Variants in GPM6A observed in about 807,000 individuals in gnomAD.
GPM6A encodes glycoprotein M6A, also known as neuronal membrane glycoprotein M6-a.
In GPM6A, 7 loss-of-function variants were observed where a neutral mutation model predicts 32.1. The observed-to-expected ratio is 0.22, with a 90% confidence interval of 0.12 to 0.41. The LOEUF (loss-of-function observed/expected upper bound fraction) is 0.41. Ranked by LOEUF, GPM6A falls within the 10% of genes least tolerant of loss-of-function variation. The pLI is 1.00. For missense variants in GPM6A, 235 were observed against 347.2 expected (o/e 0.68, Z 2.57); for synonymous variants, 130 against 123.4 (o/e 1.05, Z -0.35).
At chr4:175,685,021 G>A (rs1252658158) in intron 2 of GPM6A, among the ~76,000 whole-genome samples, 2 of 152,016 alleles carry the variant, frequency 1.3e-5, no homozygotes, top group Non-Finnish European at 1.5e-5. Flanking sequence ...CCGAGTAGCT[G>A]GGACTACAGG....
intron 1 of GPM6A, among the ~76,000 whole-genome samples, chr4:175,968,807 A>G (rs1740410943): frequency 6.6e-6 from 1 of 152,206 alleles, no homozygotes; most frequent in South Asian, 2.1e-4. Context: ...GAGAAATAGG[A>G]GTTCTCATTC....
chr4:175,840,416 G>T (rs1448052715), intron 1 of GPM6A, among the ~76,000 whole-genome samples: 1 of 152,198 alleles, frequency 6.6e-6, no homozygotes, highest in Non-Finnish European at 1.5e-5. Flanking sequence ...GGTGGCTCAC[G>T]CCTGTAATCC....
intron 1 of GPM6A, among the ~76,000 whole-genome samples, chr4:175,979,675 C>A (rs1250910625): frequency 6.6e-6 from 1 of 152,086 alleles, no homozygotes; most frequent in Non-Finnish European, 1.5e-5. Flanking sequence ...AGACCTGGAA[C>A]CATGGCAAAA....
chr4:175,853,625 T>TA (rs1463284792), intron 1 of GPM6A, among the ~76,000 whole-genome samples: 1 of 151,916 alleles, frequency 6.6e-6, no homozygotes, highest in Non-Finnish European at 1.5e-5. Context: ...GGAGTCGTTC[T>TA]ATGCTTTTAT....
At chr4:175,851,230 A>G (rs575829783) in intron 1 of GPM6A, among the ~76,000 whole-genome samples, 9 of 151,246 alleles carry the variant, frequency 6.0e-5, no homozygotes, top group East Asian at 1.9e-4. Context: ...GGTGGCGGGC[A>G]CCTGTAATCC....
rs1375612437 is a variant in GPM6A at position 175,633,241 on chromosome 4, A to C, written c.*1664T>G. ...AAGCCCATTAATACTTTTGCTGAAT[A>C]TCTGTAATACTGCATATATCAGAAA... On this transcript the variant is annotated 3_prime_UTR_variant, in exon 7 of 7. Transcript: ENST00000393658. The C allele has an allele frequency of 6.6e-6, 1 of 152,510 alleles. No homozygotes were observed. The highest frequency in any genetic ancestry group is 1.9e-4 in the East Asian group (1 of 5,202). 9.4% of individuals were successfully genotyped at this position (152,510 alleles called of 1,614,324 possible).
chr4:175,651,871 C>A lies in GPM6A; in HGVS notation c.504G>T (p.Val168=). Residue 168 remains valine, a synonymous_variant, in exon 4 of 7, where the codon GTG becomes GTT. Coordinates refer to ENST00000393658, the MANE Select transcript of GPM6A (RefSeq NM_201591.3). ...LWTICRNTTL[V]EGANLCLDLR... ...GGTCCAAGCAGAGATTTGCTCCCTCCACTAATGTGGTGTTCCGGCAGATGG... is the reference window on the plus strand; with the variant it reads ...GGTCCAAGCAGAGATTTGCTCCCTCAACTAATGTGGTGTTCCGGCAGATGG... The A allele has an allele frequency of 1.2e-6, 2 of 1,613,436 alleles. No homozygotes were observed. The highest frequency in any genetic ancestry group is 1.7e-6 in the Non-Finnish European group (2 of 1,179,630).
chr4:175,854,593 A>T (rs1259282975), intron 1 of GPM6A, among the ~76,000 whole-genome samples: 1 of 152,240 alleles, frequency 6.6e-6, no homozygotes, highest in Non-Finnish European at 1.5e-5. Flanking sequence ...AAATGAAATG[A>T]GCCCTATAAT....
intron 1 of GPM6A, among the ~76,000 whole-genome samples, chr4:175,987,298 T>C (rs1741004250): frequency 6.6e-6 from 1 of 152,212 alleles, no homozygotes; most frequent in Non-Finnish European, 1.5e-5. Context: ...AACACCTGGC[T>C]CTTAATTCTA....
At chr4:175,838,137 ACACG>A (rs1224071318) in intron 1 of GPM6A, among the ~76,000 whole-genome samples, 6 of 142,950 alleles carry the variant, frequency 4.2e-5, no homozygotes, top group African/African-American at 5.1e-5. Flanking sequence ...ACACACACAC[ACACG>A]CACCCCTGTA....
chr4:175,981,943 A>T (rs1740831667), intron 1 of GPM6A, among the ~76,000 whole-genome samples: 1 of 151,932 alleles, frequency 6.6e-6, no homozygotes, highest in South Asian at 2.1e-4. Context: ...TCCTTTTTTA[A>T]AAAAAACTAT....
intron 1 of GPM6A, among the ~76,000 whole-genome samples, chr4:175,768,601 G>GA (rs199521691): frequency 0.069 from 10,492 of 151,962 alleles, 400 homozygotes; most frequent in Non-Finnish European, 0.08. Context: ...TTAAAAAAAG[G>GA]AAAAAATGAT....
chr4:175,977,199 T>G (rs774331883), intron 1 of GPM6A, among the ~76,000 whole-genome samples: 6 of 152,194 alleles, frequency 3.9e-5, no homozygotes, highest in Non-Finnish European at 5.9e-5. Flanking sequence ...GACATGACTG[T>G]AAAGTAGCCA....
At chr4:175,928,058 G>C (rs569967154) in intron 1 of GPM6A, among the ~76,000 whole-genome samples, 1 of 152,056 alleles carries the variant, frequency 6.6e-6, no homozygotes, top group South Asian at 2.1e-4. Context: ...TAAGGAGGAC[G>C]TGAAACTGCA....
At chr4:175,777,340 TTATC>T (rs1253813860) in intron 1 of GPM6A, among the ~76,000 whole-genome samples, 4 of 152,144 alleles carry the variant, frequency 2.6e-5, no homozygotes, top group Non-Finnish European at 5.9e-5. Flanking sequence ...CTGTTTATTA[TTATC>T]TATTTATTAT....
chr4:175,943,548 C>T (rs1739485668), intron 1 of GPM6A, among the ~76,000 whole-genome samples: 1 of 152,110 alleles, frequency 6.6e-6, no homozygotes, highest in African/African-American at 2.4e-5. Context: ...TTTTGAGATA[C>T]ATTCCATCAG....
At chr4:175,637,222 A>T (rs1216439373) in intron 6 of GPM6A, among the ~76,000 whole-genome samples, 2 of 71,870 alleles carry the variant, frequency 2.8e-5, no homozygotes, top group South Asian at 3.2e-4. Context: ...TATCATATAT[A>T]ATATAAAATA....
chr4:175,671,617 G>C (rs1743072372), intron 3 of GPM6A, among the ~76,000 whole-genome samples: 1 of 151,948 alleles, frequency 6.6e-6, no homozygotes, highest in African/African-American at 2.4e-5. Context: ...AGCTGAGGTG[G>C]GGGTGTGGAG....
intron 1 of GPM6A, among the ~76,000 whole-genome samples, chr4:175,838,090 AACACACACACACACACACACAGACACAC>A (rs1735822924): frequency 8.7e-6 from 1 of 114,828 alleles, no homozygotes; most frequent in African/African-American, 3.3e-5. Context: ...CCTTGGTTAA[AACACACACACACACACACACAGACACAC>A]ACACACACAC....
Sources: allele counts gnomAD v4.1 joint callset (sites outside exome capture counted in the v4.1 genomes callset), GRCh38; gene constraint gnomAD v4.1.1; transcripts MANE v1.5; gene names NCBI Gene and HGNC (gene_info 2026-07-23, HGNC 2026-07-21).